The following ZDHHC2 variants were observed in gnomAD, a reference collection of about 807,000 sequenced individuals.
The protein encoded by ZDHHC2 is zDHHC palmitoyltransferase 2.
Under a neutral mutation model 55.6 loss-of-function variants are expected in ZDHHC2, and 51 were observed. The observed-to-expected ratio is 0.92, with a 90% CI of 0.73 to 1.16. ZDHHC2 has a LOEUF of 1.16. ZDHHC2 is among the 50% of genes most tolerant of loss of function. ZDHHC2 has a pLI of 0.00. For missense variants in ZDHHC2, 491 were observed against 442.4 expected (o/e 1.11, Z -0.99); for synonymous variants, 199 against 152.9 (o/e 1.30, Z -2.22).
At chr8:17,175,180 T>A (rs891513193) in intron 1 of ZDHHC2, among the ~76,000 whole-genome samples, 1 of 152,110 alleles carries the variant, frequency 6.6e-6, no homozygotes, top group African/African-American at 2.4e-5. Context: ...CCATAGGGCG[T>A]TGGCATAGGA....
intron 3 of ZDHHC2, among the ~76,000 whole-genome samples, chr8:17,186,966 A>C (rs773552964): frequency 6.6e-6 from 1 of 152,156 alleles, no homozygotes; most frequent in Admixed American, 6.5e-5. Flanking sequence ...CAACCATCAC[A>C]TCTACATTGT....
intron 1 of ZDHHC2, among the ~76,000 whole-genome samples, chr8:17,179,040 T>A (rs976445273): frequency 1.3e-5 from 2 of 152,280 alleles, no homozygotes; most frequent in Non-Finnish European, 2.9e-5. Context: ...AGCCTCGACC[T>A]CCTGTGCTCA....
chr8:17,211,227 T>A (rs1387016601), intron 10 of ZDHHC2, among the ~76,000 whole-genome samples: 1 of 152,210 alleles, frequency 6.6e-6, no homozygotes, highest in East Asian at 1.9e-4. Flanking sequence ...GTGACAGATT[T>A]GAGTATAACC....
chr8:17,158,955 A>G (rs1804201327), intron 1 of ZDHHC2, among the ~76,000 whole-genome samples: 1 of 152,258 alleles, frequency 6.6e-6, no homozygotes, highest in South Asian at 2.1e-4. Context: ...TTATTGCTGT[A>G]GAAACAAAAA....
intron 2 of ZDHHC2, among the ~76,000 whole-genome samples, chr8:17,185,720 A>G (rs957007745): frequency 7.2e-5 from 11 of 152,110 alleles, no homozygotes; most frequent in Admixed American, 6.6e-4. Flanking sequence ...TTATAACACC[A>G]CCCAGAGTGT....
At chr8:17,184,211 T>C (rs1417511892) in intron 1 of ZDHHC2, among the ~76,000 whole-genome samples, 1 of 152,214 alleles carries the variant, frequency 6.6e-6, no homozygotes, top group South Asian at 2.1e-4. Flanking sequence ...TAATACCTGC[T>C]AGCTTGGAAT....
intron 8 of ZDHHC2, among the ~76,000 whole-genome samples, chr8:17,209,553 G>A (rs867125686): frequency 6.6e-6 from 1 of 152,076 alleles, no homozygotes; most frequent in Admixed American, 6.6e-5. Context: ...TAGTCTGATT[G>A]TGGTTTTCTT....
chr8:17,214,108 C>T (rs1255484995), intron 10 of ZDHHC2, among the ~76,000 whole-genome samples: 1 of 151,718 alleles, frequency 6.6e-6, no homozygotes, highest in Non-Finnish European at 1.5e-5. Context: ...CTTTTGAATA[C>T]TGTTACAATT....
intron 1 of ZDHHC2, among the ~76,000 whole-genome samples, chr8:17,157,127 G>A (rs1804099622): frequency 6.6e-6 from 1 of 152,058 alleles, no homozygotes; most frequent in Non-Finnish European, 1.5e-5. Context: ...CACCGCCGCC[G>A]CCTCGGCCAC....
At chr8:17,157,923 C>G (rs1225949683) in intron 1 of ZDHHC2, among the ~76,000 whole-genome samples, 1 of 152,174 alleles carries the variant, frequency 6.6e-6, no homozygotes, top group East Asian at 1.9e-4. Flanking sequence ...GACATAAAAT[C>G]TTGTCTGAAG....
At chr8:17,183,431 A>C (rs1394289515) in intron 1 of ZDHHC2, among the ~76,000 whole-genome samples, 1 of 152,192 alleles carries the variant, frequency 6.6e-6, no homozygotes, top group East Asian at 1.9e-4. Flanking sequence ...TTCTATGAGA[A>C]AGCAAACTCT....
At position 17,201,259 on chromosome 8, in the gene ZDHHC2, C is replaced by T. The variant is rs552687070; in HGVS notation, c.476+2846C>T. ...TATGTGTGCATAGCCTATAAACCCC[C>T]TTGTTATTTATTTATTTATTTTTAG... On this transcript the variant is annotated intron_variant, in intron 6 of 12. Coordinates refer to ENST00000262096, the MANE Select transcript of ZDHHC2 (RefSeq NM_016353.5). 2.6e-4 allele frequency among the ~76,000 whole-genome samples: 40 copies of T among 152,118 alleles called. 1 individual carries two copies. Among genetic ancestry groups the T allele is most frequent in the African/African-American group, 9.2e-4 (38 of 41,510 alleles).
At chr8:17,203,112 T>C (rs1205709359) in intron 6 of ZDHHC2, among the ~76,000 whole-genome samples, 1 of 137,532 alleles carries the variant, frequency 7.3e-6, no homozygotes, top group African/African-American at 2.7e-5. Context: ...CAGGCTGGAG[T>C]GCAGTGGTGA....
chr8:17,201,479 CTCTTTTT>C (rs1426623732), intron 6 of ZDHHC2, among the ~76,000 whole-genome samples: 2 of 88,194 alleles, frequency 2.3e-5, no homozygotes, highest in Non-Finnish European at 4.9e-5. Flanking sequence ...CTCTCTCTCT[CTCTTTTT>C]TTTTTTTTTT....
chr8:17,189,148 G>T (rs1458167714), intron 3 of ZDHHC2, among the ~76,000 whole-genome samples: 5 of 61,156 alleles, frequency 8.2e-5, no homozygotes, highest in Admixed American at 4.7e-4. Flanking sequence ...TTTTTTTTTG[G>T]CCTCCTCTTG....
chr8:17,186,048 G>C (rs1463602604), intron 2 of ZDHHC2, among the ~76,000 whole-genome samples: 1 of 152,140 alleles, frequency 6.6e-6, no homozygotes, highest in Non-Finnish European at 1.5e-5. Flanking sequence ...ATTTAGAAAA[G>C]GTCCTTGTTA....
At chr8:17,177,870 G>T (rs1805227246) in intron 1 of ZDHHC2, among the ~76,000 whole-genome samples, 2 of 152,052 alleles carry the variant, frequency 1.3e-5, no homozygotes, top group Admixed American at 1.3e-4. Flanking sequence ...AAAAGTTAGT[G>T]TGTATGAGCA....
chr8:17,165,841 AG>A (rs1467504825), intron 1 of ZDHHC2, among the ~76,000 whole-genome samples: 1 of 152,222 alleles, frequency 6.6e-6, no homozygotes, highest in East Asian at 1.9e-4. Flanking sequence ...AGAGAACTGA[AG>A]GAGCTGAAAC....
At position 17,222,641 on chromosome 8, in the gene ZDHHC2, A is replaced by AAT. The variant is rs1807970137; in HGVS notation, c.*2421_*2422insTA. On this transcript the variant is annotated 3_prime_UTR_variant, in exon 13 of 13. Coordinates refer to ENST00000262096, the MANE Select transcript of ZDHHC2 (RefSeq NM_016353.5). The stretch of plus-strand genomic sequence containing the variant: ...AGGATTGTTATTTCAAAGATATATT[A>AAT]AAGAACAGTTGCATCTGAATATAAT... 6.6e-6 allele frequency: 1 copy of AAT among 151,928 alleles called. No homozygotes were observed. Among genetic ancestry groups the AAT allele is most frequent in the Non-Finnish European group, 1.5e-5 (1 of 67,824 alleles). The allele number at this position is 151,928 out of a possible 1,614,324, so 9.4% of individuals were successfully genotyped here.
Sources: gnomAD v4.1 joint callset for allele counts (sites outside exome capture counted in the v4.1 genomes callset) on GRCh38, gnomAD v4.1.1 for gene constraint, MANE v1.5 for transcripts, NCBI Gene and HGNC (gene_info 2026-07-23, HGNC 2026-07-21) for gene names.